The following BMPER variants were observed in gnomAD, a reference collection of about 807,000 sequenced individuals.
The protein encoded by BMPER is BMP binding endothelial regulator.
A neutral mutation model predicts 87.3 loss-of-function variants in BMPER; 45 were observed. The observed-to-expected ratio is 0.52, with a 90% confidence interval of 0.41 to 0.66. BMPER has a LOEUF of 0.66. Ranked by LOEUF, BMPER falls within the 30% of genes least tolerant of loss-of-function variation. The pLI is 0.00. For synonymous variants in BMPER, 326 were observed against 316.2 expected (o/e 1.03, Z -0.33); for missense variants, 784 against 867.5 (o/e 0.90, Z 1.21).
intron 6 of BMPER, among the ~76,000 whole-genome samples, chr7:34,007,949 T>C (rs1330986147): frequency 6.6e-6 from 1 of 151,982 alleles, no homozygotes; most frequent in Non-Finnish European, 1.5e-5. Context: ...TGATGGACCA[T>C]ACCCTTGTCA....
In BMPER at chr7:34,079,059, G is replaced by A. The variant is rs768518894; in HGVS notation, c.1281G>A (p.Glu427=). 6.2e-7 allele frequency: 1 copy of A among 1,614,146 alleles called. No homozygotes were observed. Among genetic ancestry groups the A allele is most frequent in the African/African-American group, 1.3e-5 (1 of 75,052 alleles). ...AGTCGGTGGAGCTGGTGCTGGGCGA[G>A]AGCAGGGTCAGCCTGCAGCAGCACC... ...WTKSVELVLG[E]SRVSLQQHLT... Residue 427 remains glutamate (E), a synonymous_variant, in exon 12 of 15, where the codon GAG becomes GAA. Transcript: ENST00000649409.
intron 13 of BMPER, among the ~76,000 whole-genome samples, chr7:34,132,445 AC>A (rs1790617290): frequency 6.6e-6 from 1 of 151,414 alleles, no homozygotes; most frequent in South Asian, 2.1e-4. Context: ...TCTCCCTACC[AC>A]GCCCCAAAGG....
intron 13 of BMPER, among the ~76,000 whole-genome samples, chr7:34,130,762 G>C (rs746839323): frequency 6.6e-6 from 1 of 152,120 alleles, no homozygotes; most frequent in Non-Finnish European, 1.5e-5. Flanking sequence ...ATCTAGACTG[G>C]GGATCTCAGA....
At chr7:34,134,075 C>A (rs1278543407) in intron 13 of BMPER, among the ~76,000 whole-genome samples, 1 of 152,066 alleles carries the variant, frequency 6.6e-6, no homozygotes, top group African/African-American at 2.4e-5. Context: ...CTGGTGGTGG[C>A]CCATCTCGCC....
intron 5 of BMPER, 136 bp from the exon 6 acceptor site, chr7:33,974,566 G>A: frequency 3.4e-6 from 3 of 872,640 alleles, no homozygotes; most frequent in Admixed American, 1.8e-5. Context: ...TCACTATGCA[G>A]CAATCTTGTC....
intron 14 of BMPER, among the ~76,000 whole-genome samples, chr7:34,148,843 A>C (rs1413337690): frequency 1.3e-5 from 2 of 152,196 alleles, no homozygotes; most frequent in Admixed American, 6.5e-5. Context: ...TGCTGCTGAG[A>C]AGTTTTTATA....
intron 13 of BMPER, among the ~76,000 whole-genome samples, chr7:34,110,755 TG>T (rs1269559293): frequency 1.3e-5 from 2 of 152,224 alleles, no homozygotes; most frequent in African/African-American, 4.8e-5. Context: ...TGGATCAGAT[TG>T]TTTTTTAATT....
chr7:33,939,231 C>G (rs1784687599), intron 3 of BMPER, among the ~76,000 whole-genome samples: 2 of 152,102 alleles, frequency 1.3e-5, no homozygotes, highest in Admixed American at 1.3e-4. Context: ...TAGTGTGTAG[C>G]CTTCTTTCCT....
chr7:34,116,991 G>C (rs1454107915), intron 13 of BMPER, among the ~76,000 whole-genome samples: 1 of 134,222 alleles, frequency 7.5e-6, no homozygotes, highest in South Asian at 2.3e-4. Flanking sequence ...CCCTGTCTCC[G>C]AAAAAAAAAA....
chr7:33,952,900 G>A (rs1785061489), intron 3 of BMPER, among the ~76,000 whole-genome samples: 5 of 152,202 alleles, frequency 3.3e-5, no homozygotes, highest in Admixed American at 3.3e-4. Flanking sequence ...GATAATGAAG[G>A]TGAACAATGT....
intron 3 of BMPER, among the ~76,000 whole-genome samples, chr7:33,950,953 C>T (rs1785005699): frequency 6.6e-6 from 1 of 152,120 alleles, no homozygotes; most frequent in African/African-American, 2.4e-5. Context: ...TTTGGCCATT[C>T]CCTCTCCTCC....
intron 11 of BMPER, among the ~76,000 whole-genome samples, chr7:34,075,593 T>G (rs1382566803): frequency 6.6e-6 from 1 of 152,232 alleles, no homozygotes; most frequent in Admixed American, 6.5e-5. Flanking sequence ...CCCCATCTTC[T>G]GACTTACGCA....
At chr7:34,128,699 T>C (rs1790466724) in intron 13 of BMPER, among the ~76,000 whole-genome samples, 1 of 152,208 alleles carries the variant, frequency 6.6e-6, no homozygotes, top group Non-Finnish European at 1.5e-5. Context: ...AGAATAATTC[T>C]ACAGTGTAAC....
At chr7:34,135,959 G>A (rs920695240) in intron 13 of BMPER, among the ~76,000 whole-genome samples, 1 of 152,180 alleles carries the variant, frequency 6.6e-6, no homozygotes, top group Non-Finnish European at 1.5e-5. Flanking sequence ...CCCGTTCCAG[G>A]TATCCTCCTG....
At chr7:34,087,026 C>T (rs1042062006) in intron 13 of BMPER, among the ~76,000 whole-genome samples, 12 of 152,300 alleles carry the variant, frequency 7.9e-5, no homozygotes, top group Admixed American at 7.8e-4. Flanking sequence ...TCTTTAATTA[C>T]CACCAGTTTA....
intron 6 of BMPER, among the ~76,000 whole-genome samples, chr7:34,036,804 A>T (rs1466088371): frequency 6.6e-6 from 1 of 152,184 alleles, no homozygotes; most frequent in Non-Finnish European, 1.5e-5. Context: ...GCAGTCTTTC[A>T]TCAGTGATTT....
chr7:33,921,631 G>A (rs1016906876), intron 2 of BMPER: 29 of 417,726 alleles, frequency 6.9e-5, no homozygotes, highest in Non-Finnish European at 1.4e-4. Context: ...GCGCCTTTGG[G>A]TGGGACAGGC....
chr7:33,978,866 C>T (rs897351382), intron 6 of BMPER, among the ~76,000 whole-genome samples: 2 of 152,230 alleles, frequency 1.3e-5, no homozygotes, highest in East Asian at 1.9e-4. Flanking sequence ...TTGAATAGCT[C>T]ATTAAACTTC....
intron 2 of BMPER, among the ~76,000 whole-genome samples, chr7:33,917,379 T>TCG (rs1335108527): frequency 1.3e-5 from 2 of 152,226 alleles, no homozygotes; most frequent in Non-Finnish European, 2.9e-5. Flanking sequence ...TATGTACATG[T>TCG]CGTGTAGTGT....
Sources: allele counts gnomAD v4.1 joint callset (sites outside exome capture counted in the v4.1 genomes callset), GRCh38; gene constraint gnomAD v4.1.1; transcripts MANE v1.5; gene names NCBI Gene and HGNC (gene_info 2026-07-23, HGNC 2026-07-21).